Variants in SDK2 observed in about 807,000 individuals in gnomAD.
SDK2 encodes sidekick cell adhesion molecule 2.
Under a neutral mutation model 253.9 loss-of-function variants are expected in SDK2, and 105 were observed. The ratio of observed to expected loss-of-function variants is 0.41; its 90% CI spans 0.35 to 0.49. The LOEUF is 0.49. SDK2 is among the 20% of genes least tolerant of loss of function. The pLI, the probability that SDK2 is intolerant of heterozygous loss-of-function variation, is 0.06. For synonymous variants in SDK2, 1,249 were observed against 1,234.9 expected (o/e 1.01, Z -0.24); for missense variants, 2,608 against 3,003.0 (o/e 0.87, Z 3.07).
intron 27 of SDK2, 142 bp downstream of exon 27, chr17:73,393,418 G>C (rs1042510163): frequency 1.3e-5 from 8 of 614,964 alleles, no homozygotes; most frequent in African/African-American, 3.7e-5. Context: ...TGGTAGCTCT[G>C]GGTGACCCAT....
At chr17:73,359,270 T>C (rs1225031713) in intron 39 of SDK2, among the ~76,000 whole-genome samples, 1 of 151,942 alleles carries the variant, frequency 6.6e-6, no homozygotes, top group East Asian at 1.9e-4. Flanking sequence ...AGGCCCTCCT[T>C]ACACAGCCTG....
At chr17:73,348,785 C>A in intron 43 of SDK2, 60 bp from the exon 44 acceptor site, 1 of 1,459,602 alleles carries the variant, frequency 6.9e-7, no homozygotes, top group Non-Finnish European at 9.4e-7. Context: ...CCTCCCCTGG[C>A]CTAGGGAGAC....
chr17:73,449,067 C>T (rs962282340), intron 4 of SDK2, among the ~76,000 whole-genome samples: 2 of 152,050 alleles, frequency 1.3e-5, no homozygotes, highest in Admixed American at 1.3e-4. Context: ...GGGCTGTTTA[C>T]CTCAGCTGGT....
In SDK2 at chr17:73,490,051, C is replaced by T. The variant is rs114851868; in HGVS notation, c.224+17387G>A. On this transcript the variant is annotated intron_variant, in intron 2 of 44. Coordinates refer to ENST00000392650, the MANE Select transcript of SDK2 (RefSeq NM_001144952.2). ...TGACTAGTTCACAGCAGACTTCTTA[C>T]ACCACCACCCCGGGCCTTCCTCCAC... 3.2e-3 allele frequency among the ~76,000 whole-genome samples: 488 copies of T among 152,300 alleles called. 2 individuals are homozygous for T. Among genetic ancestry groups the T allele is most frequent in the African/African-American group, 0.011 (444 of 41,558 alleles).
intron 18 of SDK2, among the ~76,000 whole-genome samples, chr17:73,413,959 A>T (rs1206750342): frequency 1.3e-5 from 2 of 152,128 alleles, no homozygotes; most frequent in Admixed American, 1.3e-4. Flanking sequence ...CATGAAGCCC[A>T]CAAGAGCCAC....
At chr17:73,459,689 G>A (rs2145670427) in intron 3 of SDK2, among the ~76,000 whole-genome samples, 1 of 152,100 alleles carries the variant, frequency 6.6e-6, no homozygotes, top group Admixed American at 6.5e-5. Context: ...CATGATGCTG[G>A]GTAGATTTCT....
chr17:73,466,721 C>A (rs944595515), intron 3 of SDK2, among the ~76,000 whole-genome samples: 3 of 146,126 alleles, frequency 2.1e-5, no homozygotes, highest in African/African-American at 5.1e-5. Context: ...GAACGCCCCC[C>A]CCCCCCGGCT....
chr17:73,356,497 T>C (rs1474541375), intron 40 of SDK2, among the ~76,000 whole-genome samples: 1 of 152,112 alleles, frequency 6.6e-6, no homozygotes. Context: ...AGGGGGTGTA[T>C]TTAGTTTATC....
At chr17:73,489,787 T>C (rs994532586) in intron 2 of SDK2, among the ~76,000 whole-genome samples, 1 of 152,184 alleles carries the variant, frequency 6.6e-6, no homozygotes, top group Non-Finnish European at 1.5e-5. Flanking sequence ...TGCTCTGGGA[T>C]CTGTATCTAT....
chr17:73,475,652 T>C (rs1371856413), intron 2 of SDK2, among the ~76,000 whole-genome samples: 1 of 152,016 alleles, frequency 6.6e-6, no homozygotes, highest in Non-Finnish European at 1.5e-5. Context: ...TAGGAAGGTG[T>C]CCAAGACACA....
At chr17:73,460,533 A>G (rs1375299903) in intron 3 of SDK2, among the ~76,000 whole-genome samples, 1 of 152,216 alleles carries the variant, frequency 6.6e-6, no homozygotes, top group Non-Finnish European at 1.5e-5. Flanking sequence ...AAAGTGTTAA[A>G]AAATTGTATC....
At chr17:73,420,558 T>A (rs2063221134) in intron 15 of SDK2, among the ~76,000 whole-genome samples, 1 of 152,162 alleles carries the variant, frequency 6.6e-6, no homozygotes, top group Non-Finnish European at 1.5e-5. Context: ...TTTGAACTCC[T>A]GACCTTAGGT....
intron 12 of SDK2, among the ~76,000 whole-genome samples, chr17:73,427,756 T>C (rs1261932344): frequency 6.6e-6 from 1 of 150,844 alleles, no homozygotes; most frequent in Non-Finnish European, 1.5e-5. Context: ...TCCTAGAAGA[T>C]AATACAGGAG....
intron 25 of SDK2, 124 bp from the exon 26 acceptor site, chr17:73,394,448 G>T: frequency 2.0e-6 from 1 of 510,556 alleles, no homozygotes; most frequent in Non-Finnish European, 3.3e-6. Context: ...TGGAAGAAAC[G>T]TGGCACACAT....
chr17:73,408,565 T>C (rs1245604960), intron 18 of SDK2, among the ~76,000 whole-genome samples: 1 of 152,196 alleles, frequency 6.6e-6, no homozygotes, highest in Non-Finnish European at 1.5e-5. Context: ...CTGAATCAGA[T>C]TAGCCTCTAG....
Position 73,380,899 on chromosome 17 carries a change from A to T in SDK2, c.4757T>A (p.Leu1586Gln). The change falls in exon 34 of 45, where the codon CTG becomes CAG. Residue 1586 changes from leucine (L) to glutamine (Q), a missense_variant. By Grantham distance (113) the Leu-to-Gln change is moderately radical. Around this residue, in one of 2 missense-constraint regions of SDK2, gnomAD observed 1,103 missense variants for 1,143.9 expected, o/e 0.96. Coordinates refer to ENST00000392650, the MANE Select transcript of SDK2 (RefSeq NM_001144952.2). ...CACCATGCAAGGAGACTTACTGTCC[A>T]GCTCGTACTGCGTGAGGCTGGGCCG... The part of the protein sequence containing the change: ...LSRPSLTQYE[L>Q]DNLNKHRRYE... 1 of 1,535,672 alleles carries T rather than the reference A, an allele frequency of 6.5e-7. No homozygotes were observed. The highest frequency in any genetic ancestry group is 8.8e-7 in the Non-Finnish European group (1 of 1,135,484).
intron 2 of SDK2, among the ~76,000 whole-genome samples, chr17:73,491,420 T>G (rs1404823331): frequency 6.7e-6 from 1 of 149,640 alleles, no homozygotes; most frequent in Non-Finnish European, 1.5e-5. Flanking sequence ...TCACCCAGGC[T>G]GGAGTACAGT....
At chr17:73,418,693 A>C (rs2063203235) in intron 16 of SDK2, among the ~76,000 whole-genome samples, 1 of 152,242 alleles carries the variant, frequency 6.6e-6, no homozygotes, top group Non-Finnish European at 1.5e-5. Flanking sequence ...CTAGAAGAGT[A>C]GTCCCTCAGT....
rs968346728 is a variant in SDK2, at chr17:73,386,391, C to T, written c.4498+54G>A. The T allele has an allele frequency of 1.7e-4, 226 of 1,297,552 alleles. 1 individual carries two copies. In the Admixed American group the frequency reaches 4.4e-3, roughly 25 times the overall value. The allele number at this position is 1,297,552 out of a possible 1,614,324, so 80.4% of individuals were successfully genotyped here. On this transcript the variant is annotated intron_variant, in intron 31 of 44. Coordinates refer to ENST00000392650, the MANE Select transcript of SDK2 (RefSeq NM_001144952.2). ...TCCCCCCGTAAGAAAATGCCCCATG[C>T]CCAGGAAGCAGCCAGTGGGCTGAGA...
Sources: gnomAD v4.1 joint callset for allele counts (sites outside exome capture counted in the v4.1 genomes callset) on GRCh38, gnomAD v4.1.1 for gene constraint, gnomAD v4.1.1 regional missense constraint, MANE v1.5 for transcripts, NCBI Gene and HGNC (gene_info 2026-07-23, HGNC 2026-07-21) for gene names.